Variants in ENTREP1 observed in about 807,000 individuals in gnomAD.
ENTREP1 encodes the protein Friedreich ataxia region gene X123.
the ENTREP1 span, among the ~76,000 whole-genome samples, chr9:69,328,295 T>C: frequency 1.4e-4 from 21 of 152,370 alleles, 1 homozygote; most frequent in South Asian, 4.3e-3. Context: ...GGTGTCACAT[T>C]TCATCTGTAT....
At chr9:69,336,827 T>C in the ENTREP1 span, among the ~76,000 whole-genome samples, 1 of 151,746 alleles carries the variant, frequency 6.6e-6, no homozygotes, top group Non-Finnish European at 1.5e-5. Context: ...TCCTCCCAAG[T>C]AGCTGGGATT....
At chr9:69,349,190 A>C in the ENTREP1 span, among the ~76,000 whole-genome samples, 7 of 5,020 alleles carry the variant, frequency 1.4e-3, no homozygotes, top group African/African-American at 0.013. Context: ...ATCTCAAAAA[A>C]AAAAAAAAAA....
the ENTREP1 span, chr9:69,379,474 C>T: frequency 1.3e-5 from 2 of 152,270 alleles, no homozygotes; most frequent in African/African-American, 4.8e-5. Flanking sequence ...GGAGTGGCCT[C>T]TACTGGAATT....
chr9:69,330,686 C>A, the ENTREP1 span, among the ~76,000 whole-genome samples: 11 of 152,092 alleles, frequency 7.2e-5, no homozygotes, highest in Non-Finnish European at 1.0e-4. Context: ...GATATTTAAA[C>A]TATAATTTTG....
At chr9:69,350,814 A>G in the ENTREP1 span, among the ~76,000 whole-genome samples, 228 of 152,314 alleles carry the variant, frequency 1.5e-3, 1 homozygote, top group African/African-American at 5.3e-3. Flanking sequence ...GTCACAGATG[A>G]GAATCTTGAT....
the ENTREP1 span, among the ~76,000 whole-genome samples, chr9:69,365,533 G>C: frequency 6.6e-6 from 1 of 152,082 alleles, no homozygotes; most frequent in African/African-American, 2.4e-5. Context: ...GACATTTCAA[G>C]ACTTCTAGCT....
the ENTREP1 span, among the ~76,000 whole-genome samples, chr9:69,326,630 G>T: frequency 6.6e-6 from 1 of 152,138 alleles, no homozygotes; most frequent in South Asian, 2.1e-4. Flanking sequence ...ACCCCTTGAC[G>T]TTTTCTGGGT....
chr9:69,335,838 G>GCCTGTAGTCCTGACGTGCT, the ENTREP1 span, among the ~76,000 whole-genome samples: 5 of 152,204 alleles, frequency 3.3e-5, no homozygotes, highest in Non-Finnish European at 5.9e-5. Context: ...GGTGACATGC[G>GCCTGTAGTCCTGACGTGCT]CCTGTAGTCC....
chr9:69,391,132 T>C, the ENTREP1 span, among the ~76,000 whole-genome samples: 1 of 152,132 alleles, frequency 6.6e-6, no homozygotes, highest in South Asian at 2.1e-4. Flanking sequence ...CCCAGACCAG[T>C]GGTTCTTACT....
chr9:69,340,602 T>TGTGTGC, the ENTREP1 span, among the ~76,000 whole-genome samples: 1 of 88,198 alleles, frequency 1.1e-5, no homozygotes, highest in Non-Finnish European at 2.5e-5. Flanking sequence ...TGCATGCATG[T>TGTGTGC]GTGTGTGTGC....
the ENTREP1 span, chr9:69,391,554 C>A: frequency 6.5e-7 from 1 of 1,545,498 alleles, no homozygotes; most frequent in Non-Finnish European, 8.9e-7. Context: ...AGGGCCACAT[C>A]TGGTAAAGCT....
At chr9:69,378,467 T>A in the ENTREP1 span, among the ~76,000 whole-genome samples, 2 of 152,162 alleles carry the variant, frequency 1.3e-5, no homozygotes, top group Non-Finnish European at 2.9e-5. Flanking sequence ...AACCTTTTTT[T>A]AAAGAATGAC....
At chr9:69,365,837 T>G in the ENTREP1 span, among the ~76,000 whole-genome samples, 1 of 152,168 alleles carries the variant, frequency 6.6e-6, no homozygotes, top group Non-Finnish European at 1.5e-5. Flanking sequence ...TCCACTCAGG[T>G]TGCTGCAAAA....
At chr9:69,340,622 T>C in the ENTREP1 span, among the ~76,000 whole-genome samples, 2 of 71,772 alleles carry the variant, frequency 2.8e-5, no homozygotes, top group African/African-American at 1.2e-4. Flanking sequence ...CATGTGTGTG[T>C]GCATGTGTGT....
chr9:69,363,931 A>G, the ENTREP1 span, among the ~76,000 whole-genome samples: 1 of 150,284 alleles, frequency 6.7e-6, no homozygotes, highest in Non-Finnish European at 1.5e-5. Flanking sequence ...TGAGTTCCCT[A>G]AAGGAGGCTG....
At chr9:69,329,987 G>A in the ENTREP1 span, among the ~76,000 whole-genome samples, 1 of 72,258 alleles carries the variant, frequency 1.4e-5, no homozygotes, top group African/African-American at 6.4e-5. Context: ...AGATTCCACT[G>A]GGGTATGGGA....
At chr9:69,338,378 C>A in the ENTREP1 span, among the ~76,000 whole-genome samples, 1 of 152,046 alleles carries the variant, frequency 6.6e-6, no homozygotes, top group Non-Finnish European at 1.5e-5. Flanking sequence ...ATACAAATCT[C>A]CAGTATTTAA....
At chr9:69,325,753 C>T in the ENTREP1 span, 2 of 1,221,886 alleles carry the variant, frequency 1.6e-6, no homozygotes, top group East Asian at 6.4e-5. Context: ...CCCGTTCGCC[C>T]GGTCATCCCG....
chr9:69,391,406 C>T, the ENTREP1 span, among the ~76,000 whole-genome samples: 1 of 152,012 alleles, frequency 6.6e-6, no homozygotes, highest in Non-Finnish European at 1.5e-5. Context: ...CTACAGCGGA[C>T]ATGGTAGAAC....
Sources: gnomAD v4.1 joint callset for allele counts (sites outside exome capture counted in the v4.1 genomes callset) on GRCh38, gnomAD v4.1.1 for gene constraint, MANE v1.5 for transcripts, NCBI Gene and HGNC (gene_info 2026-07-23, HGNC 2026-07-21) for gene names.